CRYBG3: variants seen among roughly 807,000 people sequenced by gnomAD.
The protein encoded by CRYBG3 is very large A-kinase anchor protein.
Under a neutral mutation model 244.2 loss-of-function variants are expected in CRYBG3, and 127 were observed. The observed-to-expected ratio is 0.52, with a 90% CI of 0.45 to 0.60. The LOEUF (loss-of-function observed/expected upper bound fraction) is 0.60. CRYBG3 is among the 20% of genes least tolerant of loss of function. The pLI, the probability that CRYBG3 is intolerant of heterozygous loss-of-function variation, is 0.00. For synonymous variants in CRYBG3, 1,132 were observed against 1,195.8 expected, an observed-to-expected ratio of 0.95 and a Z score of 1.10; for missense variants, 3,325 against 3,442.5, an observed-to-expected ratio of 0.97 and a Z score of 0.85.
intron 2 of CRYBG3, among the ~76,000 whole-genome samples, chr3:97,859,691 G>T (rs1322739415): frequency 6.6e-6 from 1 of 152,046 alleles, no homozygotes; most frequent in Non-Finnish European, 1.5e-5. Flanking sequence ...CCAAATCCTA[G>T]TTTCACCTTT....
At chr3:97,828,013 G>T (rs939596564) in intron 1 of CRYBG3, among the ~76,000 whole-genome samples, 1 of 152,170 alleles carries the variant, frequency 6.6e-6, no homozygotes, top group Non-Finnish European at 1.5e-5. Flanking sequence ...ATACTCCTGA[G>T]AGTTGGGAGA....
At chr3:97,898,815 GC>G in intron 12 of CRYBG3, 67 bp from the exon 13 acceptor site, 1 of 1,111,298 alleles carries the variant, frequency 9.0e-7, no homozygotes, top group South Asian at 1.8e-5. Flanking sequence ...GTGATATTTT[GC>G]TAGATAATAG....
intron 17 of CRYBG3, among the ~76,000 whole-genome samples, chr3:97,928,934 A>G (rs906145735): frequency 6.6e-6 from 1 of 152,092 alleles, no homozygotes; most frequent in African/African-American, 2.4e-5. Flanking sequence ...AATAATTCCC[A>G]GCACATATTA....
At position 97,828,782 on chromosome 3, in the gene CRYBG3, C is replaced by T. The variant is rs1168853735; in HGVS notation, c.149+6427C>T. On this transcript the variant is annotated intron_variant, in intron 1 of 21. Transcript: ENST00000389622. ...GGCAGAGGTTGCAGTGAGCCAAGAT[C>T]GTACCATTGTGCTCCAGCCTGGGCA... 2.8e-5 allele frequency among the ~76,000 whole-genome samples: 4 copies of T among 145,364 alleles called. No homozygotes were observed. The South Asian group carries it at 6.5e-4, about 24-fold the overall frequency.
chr3:97,838,283 C>T (rs2038762316), intron 1 of CRYBG3, among the ~76,000 whole-genome samples: 1 of 152,094 alleles, frequency 6.6e-6, no homozygotes, highest in African/African-American at 2.4e-5. Context: ...AATCTTTAGC[C>T]ACACTTAACA....
chr3:97,844,667 A>C (rs1028243340), intron 2 of CRYBG3, among the ~76,000 whole-genome samples: 3 of 152,154 alleles, frequency 2.0e-5, no homozygotes, highest in Admixed American at 6.6e-5. Context: ...TTCAGTCTCC[A>C]AACTTGGATA....
chr3:97,867,403 T>C (rs7612357), intron 3 of CRYBG3, among the ~76,000 whole-genome samples: 69,925 of 152,062 alleles, frequency 0.46, 16,888 homozygotes, highest in East Asian at 0.67. Context: ...TGCTGTAAGT[T>C]TAGCTATGAC....
Position 97,904,872 on chromosome 3 carries a change from A to G in CRYBG3, c.8004+4387A>G, listed in dbSNP as rs868661458. 2.3e-3 allele frequency among the ~76,000 whole-genome samples: 343 copies of G among 147,544 alleles called. 1 individual carries two copies. Among genetic ancestry groups the G allele is most frequent in the South Asian group, 0.013 (56 of 4,472 alleles). Reference sequence around the variant, plus strand: ...CATCTAGCATTAGGTATATCTCCCAATGCTATCCCTCCACCCTCCCCCCAC... The same window carrying G: ...CATCTAGCATTAGGTATATCTCCCAGTGCTATCCCTCCACCCTCCCCCCAC... On this transcript the variant is annotated intron_variant, in intron 15 of 21. Coordinates refer to ENST00000389622, the MANE Select transcript of CRYBG3 (RefSeq NM_153605.4).
rs2039514471 is a variant in CRYBG3 at position 97,886,892 on chromosome 3, C to T, written c.7289+125C>T. On this transcript the variant is annotated intron_variant, in intron 8 of 21. Coordinates refer to ENST00000389622, the MANE Select transcript of CRYBG3 (RefSeq NM_153605.4). ...ACTCTCAGTCACCCAAGAAAGACTGCAGGGGTTAAAAGATTCTTTGGATCT... is the reference window on the plus strand; with the variant it reads ...ACTCTCAGTCACCCAAGAAAGACTGTAGGGGTTAAAAGATTCTTTGGATCT... 5.2e-6 allele frequency: 4 copies of T among 762,602 alleles called. No individual in the cohort carries two copies. In the Admixed American group the frequency reaches 1.1e-4, roughly 21 times the overall value. 47.2% of individuals were successfully genotyped at this position (762,602 alleles called of 1,614,324 possible). A position where few individuals can be genotyped will look rare whatever the true frequency, so the allele number is the denominator to read the frequency against.
Position 97,944,187 on chromosome 3 carries a change from C to A in CRYBG3, c.*873C>A, listed in dbSNP as rs933489436. On this transcript the variant is annotated 3_prime_UTR_variant, in exon 22 of 22. Coordinates refer to ENST00000389622, the MANE Select transcript of CRYBG3 (RefSeq NM_153605.4). ...AGTAGCATTTGAACCTTGACCTTAC[C>A]ATCTCTTTAAGTAAACGTGGAGTTG... 6.6e-6 allele frequency: 1 copy of A among 151,484 alleles called. No homozygotes were observed. Among genetic ancestry groups the A allele is most frequent in the Admixed American group, 6.6e-5 (1 of 15,124 alleles). The allele number at this position is 151,484 out of a possible 1,614,324, so 9.4% of individuals were successfully genotyped here.
chr3:97,860,940 A>G (rs942835590), intron 2 of CRYBG3, among the ~76,000 whole-genome samples: 1 of 151,962 alleles, frequency 6.6e-6, no homozygotes, highest in Non-Finnish European at 1.5e-5. Context: ...ATCACAAGGG[A>G]CCAAAAATTT....
chr3:97,909,159 T>A (rs1285571049), intron 15 of CRYBG3, among the ~76,000 whole-genome samples: 1 of 151,774 alleles, frequency 6.6e-6, no homozygotes, highest in African/African-American at 2.4e-5. Flanking sequence ...AACCCGACCT[T>A]TCTCTCTGGC....
chr3:97,944,006 T>G lies in CRYBG3; in HGVS notation c.*692T>G, dbSNP rs2040293565. The G allele has an allele frequency of 6.6e-6, 1 of 151,914 alleles. No individual in the cohort carries two copies. The highest frequency in any genetic ancestry group is 2.1e-4 in the South Asian group (1 of 4,820). The allele number at this position is 151,914 out of a possible 1,614,324, so 9.4% of individuals were successfully genotyped here. On this transcript the variant is annotated 3_prime_UTR_variant, in exon 22 of 22. Transcript: ENST00000389622. ...AAATAACCTATGGCCAAACTTGCAC[T>G]GTTACGTGTTAACCAAGACATCCCT...
At position 97,876,292 on chromosome 3, in the gene CRYBG3, G is replaced by C; in HGVS notation, c.5098G>C (p.Gly1700Arg). ...AAATATCCACCAAAAAGGTGGTGAA[G>C]GGATTAGTGAAAAGGCTGAAGTGAT... ...VENIHQKGGEGISEKAEVIPV... is the reference protein window; with the variant it reads ...VENIHQKGGERISEKAEVIPV... Residue 1700 changes from glycine (G) to arginine (R), a missense_variant, in exon 4 of 22, where the codon GGG becomes CGG. This residue lies in a region of CRYBG3 where 635 missense variants were observed against 771.7 expected (regional missense o/e 0.82). Coordinates refer to ENST00000389622, the MANE Select transcript of CRYBG3 (RefSeq NM_153605.4). 1 of 1,232,014 alleles carries C rather than the reference G, an allele frequency of 8.1e-7. No individual in the cohort carries two copies. Among genetic ancestry groups the C allele is most frequent in the Non-Finnish European group, 1.0e-6 (1 of 987,946 alleles). 76.3% of individuals were successfully genotyped at this position (1,232,014 alleles called of 1,614,324 possible).
intron 17 of CRYBG3, chr3:97,933,230 C>T (rs1391604436): frequency 1.7e-5 from 7 of 400,946 alleles, no homozygotes; most frequent in South Asian, 1.1e-4. Flanking sequence ...ATTAAAAATG[C>T]CTTTATTCTT....
chr3:97,858,676 C>A (rs138821582), intron 2 of CRYBG3, among the ~76,000 whole-genome samples: 1 of 151,990 alleles, frequency 6.6e-6, no homozygotes, highest in African/African-American at 2.4e-5. Context: ...TTTTTTATGA[C>A]ACCTATCTTG....
chr3:97,904,419 T>C (rs1303065508), intron 15 of CRYBG3, among the ~76,000 whole-genome samples: 1 of 152,184 alleles, frequency 6.6e-6, no homozygotes, highest in East Asian at 1.9e-4. Flanking sequence ...CGTGTGTATA[T>C]GAATTTTAAT....
At chr3:97,900,665 G>T (rs1391173914) in intron 15 of CRYBG3, among the ~76,000 whole-genome samples, 180 bp downstream of exon 15, 3 of 152,192 alleles carry the variant, frequency 2.0e-5, no homozygotes, top group Non-Finnish European at 1.5e-5. Context: ...GGTTGTATTA[G>T]ACTGGGTTTG....
chr3:97,935,264 T>C (rs1474622935), intron 18 of CRYBG3, among the ~76,000 whole-genome samples: 1 of 152,104 alleles, frequency 6.6e-6, no homozygotes, highest in African/African-American at 2.4e-5. Context: ...TACATTTTCC[T>C]AAAATCTTAC....
Sources: allele counts gnomAD v4.1 joint callset (sites outside exome capture counted in the v4.1 genomes callset), GRCh38; gene constraint gnomAD v4.1.1; regional missense constraint gnomAD v4.1.1; transcripts MANE v1.5; gene names NCBI Gene and HGNC (gene_info 2026-07-23, HGNC 2026-07-21).